Variants in RANBP9 observed in about 807,000 individuals in gnomAD.
The protein encoded by RANBP9 is ran-binding protein 9.
A neutral mutation model predicts 84.3 loss-of-function variants in RANBP9; 15 were observed. The observed-to-expected ratio is 0.18, with a 90% confidence interval of 0.12 to 0.27. The LOEUF (loss-of-function observed/expected upper bound fraction) is 0.27, where lower values mean the gene tolerates loss of function less well. Ranked by LOEUF, RANBP9 falls within the 10% of genes least tolerant of loss-of-function variation. RANBP9 has a pLI of 1.00. For missense variants in RANBP9, 809 were observed against 912.8 expected (o/e 0.89, Z 1.46); for synonymous variants, 392 against 349.6 (o/e 1.12, Z -1.35).
At position 13,710,256 on chromosome 6, in the gene RANBP9, G is replaced by A. The variant is rs146275012; in HGVS notation, c.571+679C>T. 2.4e-3 allele frequency among the ~76,000 whole-genome samples: 369 copies of A among 152,200 alleles called. 2 individuals carry two copies. The highest frequency in any genetic ancestry group is 8.6e-3 in the African/African-American group (359 of 41,512). ...ATCTTCGTTTTCAACAAGACTTCATGTGATATCAACACCTAAGGACCTGTA... is the reference window on the plus strand; with the variant it reads ...ATCTTCGTTTTCAACAAGACTTCATATGATATCAACACCTAAGGACCTGTA... On this transcript the variant is annotated intron_variant, in intron 1 of 13. Coordinates refer to ENST00000011619, the MANE Select transcript of RANBP9 (RefSeq NM_005493.3).
chr6:13,640,840 T>TA (rs1765047600), intron 8 of RANBP9, among the ~76,000 whole-genome samples: 1 of 152,104 alleles, frequency 6.6e-6, no homozygotes, highest in South Asian at 2.1e-4. Flanking sequence ...GATGTGAATG[T>TA]AAAAAATGGT....
intron 2 of RANBP9, among the ~76,000 whole-genome samples, chr6:13,666,593 G>A (rs919601174): frequency 4.8e-4 from 31 of 65,012 alleles, no homozygotes; most frequent in East Asian, 3.5e-3. Flanking sequence ...CTGGGACCCC[G>A]TCTCTCCAAA....
intron 2 of RANBP9, among the ~76,000 whole-genome samples, chr6:13,660,193 G>A (rs1198001854): frequency 6.6e-6 from 1 of 152,134 alleles, no homozygotes; most frequent in East Asian, 1.9e-4. Context: ...GTTAACTTCT[G>A]GATAACTGGA....
At chr6:13,687,418 T>C (rs1434437685) in intron 2 of RANBP9, among the ~76,000 whole-genome samples, 5 of 151,830 alleles carry the variant, frequency 3.3e-5, no homozygotes, top group African/African-American at 7.3e-5. Flanking sequence ...AGCCCAGGAA[T>C]TTGAGGCTGC....
At position 13,711,652 on chromosome 6, in the gene RANBP9, C is replaced by T. The variant is rs1464855100; in HGVS notation, c.-147G>A. On this transcript the variant is annotated 5_prime_UTR_variant, in exon 1 of 14. Coordinates refer to ENST00000011619, the MANE Select transcript of RANBP9 (RefSeq NM_005493.3). The stretch of plus-strand genomic sequence containing the variant: ...GCGGCGGGCCGCGCGCCCAGGGAGA[C>T]CGCGGCGGTTGAGGAGCTCGGAGAC... The T allele has an allele frequency of 1.5e-6, 1 of 680,148 alleles. No homozygotes were observed. The highest frequency in any genetic ancestry group is 2.0e-6 in the Non-Finnish European group (1 of 503,250). 42.1% of individuals were successfully genotyped at this position (680,148 alleles called of 1,614,324 possible). A position where few individuals can be genotyped will look rare whatever the true frequency, so the allele number is the denominator to read the frequency against.
chr6:13,628,265 C>T (rs1764678245), intron 12 of RANBP9, among the ~76,000 whole-genome samples: 2 of 152,066 alleles, frequency 1.3e-5, no homozygotes, highest in African/African-American at 4.8e-5. Flanking sequence ...CAGTACAGTT[C>T]AACATACAGC....
rs545342955 is a variant in RANBP9, at chr6:13,675,735, C to CA, written c.684-16904dup. On this transcript the variant is annotated intron_variant, in intron 2 of 13. Coordinates refer to ENST00000011619, the MANE Select transcript of RANBP9 (RefSeq NM_005493.3). ...ATAAACCTCTAGCCAGGATAACCAA[C>CA]AAAAAAAAAACACAAATTATTAATA... Among the ~76,000 whole-genome samples the CA allele has an allele frequency of 6.1e-3, 871 of 142,342 alleles. 3 individuals carry two copies. Among genetic ancestry groups the CA allele is most frequent in the Middle Eastern group, 0.021 (6 of 280 alleles). The allele number at this position is 142,342 out of a possible 152,430, so 93.4% of individuals were successfully genotyped here. A position where few individuals can be genotyped will look rare whatever the true frequency, so the allele number is the denominator to read the frequency against.
intron 2 of RANBP9, among the ~76,000 whole-genome samples, chr6:13,684,655 ATATC>A (rs1431629410): frequency 1.3e-5 from 2 of 152,238 alleles, no homozygotes; most frequent in Admixed American, 6.5e-5. Flanking sequence ...CATTTACTAA[ATATC>A]TATGTGTAGG....
chr6:13,634,467 G>A lies in RANBP9; in HGVS notation c.1759C>T (p.His587Tyr). ...TCACAATCTTCCATTTCGTGGTCAT[G>A]TTTAGAGCTACCATTTAGGAAACCA... The part of the protein sequence containing the change: ...SNGFLNGSSK[H>Y]DHEMEDCDTE... The change falls in exon 11 of 14, where the codon CAT (histidine) becomes TAT (tyrosine). Residue 587 changes from histidine to tyrosine, a missense_variant. His to Tyr is a moderately conservative substitution (Grantham distance 83, BLOSUM62 2). Around this residue, in one of 5 missense-constraint regions of RANBP9, gnomAD observed 233 missense variants for 234.4 expected, o/e 0.99. Coordinates refer to ENST00000011619, the MANE Select transcript of RANBP9 (RefSeq NM_005493.3). The A allele has an allele frequency of 1.2e-6, 2 of 1,613,754 alleles. No homozygotes were observed. Among genetic ancestry groups the A allele is most frequent in the Non-Finnish European group, 1.7e-6 (2 of 1,179,784 alleles).
intron 12 of RANBP9, among the ~76,000 whole-genome samples, chr6:13,629,920 TC>T (rs72459863): frequency 0.016 from 1,345 of 82,152 alleles, 17 homozygotes; most frequent in African/African-American, 0.047. Flanking sequence ...TCTCTCTCTC[TC>T]GTGTGTGTGT....
intron 1 of RANBP9, among the ~76,000 whole-genome samples, chr6:13,700,026 CTCA>C (rs1757926802): frequency 7.2e-5 from 11 of 152,130 alleles, no homozygotes; most frequent in Admixed American, 7.2e-4. Context: ...AAAAAACAAC[CTCA>C]TACTACCAAA....
chr6:13,699,128 T>A (rs533254216), intron 1 of RANBP9, among the ~76,000 whole-genome samples: 31 of 151,730 alleles, frequency 2.0e-4, no homozygotes, highest in South Asian at 8.3e-4. Flanking sequence ...GAAAAAAAAA[T>A]AAAATGTTTA....
At chr6:13,690,783 C>CA (rs1417008904) in intron 2 of RANBP9, among the ~76,000 whole-genome samples, 4 of 152,114 alleles carry the variant, frequency 2.6e-5, no homozygotes, top group Non-Finnish European at 5.9e-5. Context: ...ACCTAAGATA[C>CA]AGACTCCTTA....
In RANBP9 at chr6:13,630,803, A is replaced by G. The variant is rs140522454; in HGVS notation, c.1947+1567T>C. Among the ~76,000 whole-genome samples the G allele has an allele frequency of 2.5e-3, 388 of 152,284 alleles. 4 individuals carry two copies. Among genetic ancestry groups the G allele is most frequent in the Non-Finnish European group, 1.2e-3 (85 of 68,016 alleles). Reference sequence around the variant, plus strand: ...ATTAAACCAAGCATTAAAGAGACTTACAAAAAAATATAAAGCAATGCCACT... The same window carrying G: ...ATTAAACCAAGCATTAAAGAGACTTGCAAAAAAATATAAAGCAATGCCACT... On this transcript the variant is annotated intron_variant, in intron 12 of 13. Transcript: ENST00000011619.
At chr6:13,630,001 C>A (rs1283310393) in intron 12 of RANBP9, among the ~76,000 whole-genome samples, 1 of 151,408 alleles carries the variant, frequency 6.6e-6, no homozygotes, top group Non-Finnish European at 1.5e-5. Flanking sequence ...AAAAACGATG[C>A]TACAATTTTA....
chr6:13,682,160 G>C (rs1476242703), intron 2 of RANBP9, among the ~76,000 whole-genome samples: 1 of 151,700 alleles, frequency 6.6e-6, no homozygotes, highest in Non-Finnish European at 1.5e-5. Flanking sequence ...CCGCACCTGG[G>C]CCAAGTGCCT....
chr6:13,679,344 T>C (rs1015363965), intron 2 of RANBP9, among the ~76,000 whole-genome samples: 3 of 152,216 alleles, frequency 2.0e-5, no homozygotes, highest in African/African-American at 7.2e-5. Context: ...AAAGTACCTA[T>C]TCATTTATCC....
chr6:13,689,460 T>C (rs984921208), intron 2 of RANBP9, among the ~76,000 whole-genome samples: 2 of 152,022 alleles, frequency 1.3e-5, no homozygotes, highest in African/African-American at 4.8e-5. Context: ...TTAGTAGAGA[T>C]GGGGTTTCAC....
At chr6:13,696,007 C>A (rs2113356265) in intron 2 of RANBP9, among the ~76,000 whole-genome samples, 1 of 151,240 alleles carries the variant, frequency 6.6e-6, no homozygotes, top group South Asian at 2.1e-4. Context: ...TAAGAGACCT[C>A]TGATATGCAA....
Sources: allele counts gnomAD v4.1 joint callset (sites outside exome capture counted in the v4.1 genomes callset), GRCh38; gene constraint gnomAD v4.1.1; regional missense constraint gnomAD v4.1.1; transcripts MANE v1.5; gene names NCBI Gene and HGNC (gene_info 2026-07-23, HGNC 2026-07-21).